NR2F1-AS1: variants seen among roughly 807,000 people sequenced by gnomAD.
NR2F1-AS1 encodes NR2F1 regulatory antisense RNA 1, also known as NR2F1 antisense RNA 1.
intron 4 of NR2F1-AS1, among the ~76,000 whole-genome samples, chr5:93,477,529 T>C (rs776177581): frequency 6.6e-6 from 1 of 152,200 alleles, no homozygotes; most frequent in Non-Finnish European, 1.5e-5. Context: ...ACAACTTATA[T>C]AAATAGGAAA....
At chr5:93,548,275 A>C (rs185125377) in intron 4 of NR2F1-AS1, among the ~76,000 whole-genome samples, 1 of 152,056 alleles carries the variant, frequency 6.6e-6, no homozygotes, top group Non-Finnish European at 1.5e-5. Context: ...AATTCAATCA[A>C]TTTATGTGGT....
upstream of NR2F1-AS1, chr5:93,585,509 T>C (rs1351602393): frequency 6.3e-7 from 1 of 1,583,960 alleles, no homozygotes; most frequent in Non-Finnish European, 8.6e-7. Flanking sequence ...TCTCTGCTTC[T>C]CTCCCCGCGC....
intron 4 of NR2F1-AS1, among the ~76,000 whole-genome samples, chr5:93,413,776 G>A (rs866487914): frequency 6.6e-6 from 1 of 152,158 alleles, no homozygotes; most frequent in South Asian, 2.1e-4. Context: ...AACTACATCA[G>A]AATAGACCAA....
At chr5:93,482,749 G>A (rs112483507) in intron 4 of NR2F1-AS1, among the ~76,000 whole-genome samples, 1 of 152,132 alleles carries the variant, frequency 6.6e-6, no homozygotes, top group African/African-American at 2.4e-5. Context: ...AACCTGGGAC[G>A]CTCTAGCTTG....
At chr5:93,438,409 A>G (rs1453225680) in intron 4 of NR2F1-AS1, among the ~76,000 whole-genome samples, 1 of 151,798 alleles carries the variant, frequency 6.6e-6, no homozygotes, top group Non-Finnish European at 1.5e-5. Context: ...ATCAATCTTG[A>G]CTCCTGCCTC....
intron 4 of NR2F1-AS1, chr5:93,496,055 A>C (rs531272943): frequency 6.6e-6 from 1 of 152,210 alleles, no homozygotes; most frequent in African/African-American, 2.4e-5. Flanking sequence ...AAAATGAATT[A>C]CCTCTCCAAG....
chr5:93,463,493 G>T (rs1750147132), intron 4 of NR2F1-AS1, among the ~76,000 whole-genome samples: 1 of 152,190 alleles, frequency 6.6e-6, no homozygotes, highest in Non-Finnish European at 1.5e-5. Flanking sequence ...TCCCCACTGG[G>T]GCACTGCCTA....
At chr5:93,535,776 ATT>A (rs1375633321) in intron 4 of NR2F1-AS1, among the ~76,000 whole-genome samples, 1 of 152,140 alleles carries the variant, frequency 6.6e-6, no homozygotes, top group Non-Finnish European at 1.5e-5. Flanking sequence ...ATTTGACAAA[ATT>A]CAACTTCTCT....
chr5:93,459,506 T>C (rs915552790), intron 4 of NR2F1-AS1, among the ~76,000 whole-genome samples: 25 of 152,176 alleles, frequency 1.6e-4, no homozygotes, highest in African/African-American at 5.8e-4. Context: ...ATTAATAAAA[T>C]AGTTTGTTTA....
intron 4 of NR2F1-AS1, among the ~76,000 whole-genome samples, chr5:93,445,925 T>C (rs1749694667): frequency 1.3e-5 from 2 of 152,152 alleles, no homozygotes; most frequent in South Asian, 2.1e-4. Context: ...TAATCCATCA[T>C]ATAAACAGAA....
chr5:93,423,566 G>A (rs978482074), intron 4 of NR2F1-AS1, among the ~76,000 whole-genome samples: 1 of 152,108 alleles, frequency 6.6e-6, no homozygotes, highest in Admixed American at 6.5e-5. Flanking sequence ...GCCCAAGTAG[G>A]CACTCTTGTA....
At chr5:93,522,176 A>G (rs1751515102) in intron 4 of NR2F1-AS1, among the ~76,000 whole-genome samples, 1 of 152,108 alleles carries the variant, frequency 6.6e-6, no homozygotes, top group Non-Finnish European at 1.5e-5. Context: ...AACACAAAGA[A>G]GGGAACAATA....
chr5:93,441,459 C>A (rs1451087587), intron 4 of NR2F1-AS1, among the ~76,000 whole-genome samples: 1 of 152,142 alleles, frequency 6.6e-6, no homozygotes, highest in Non-Finnish European at 1.5e-5. Flanking sequence ...TCTGTGATCC[C>A]AACAGTGCAA....
chr5:93,561,984 A>C (rs1364441683), intron 2 of NR2F1-AS1, among the ~76,000 whole-genome samples: 1 of 151,988 alleles, frequency 6.6e-6, no homozygotes, highest in African/African-American at 2.4e-5. Flanking sequence ...AAATTGACAC[A>C]TTTAATTTAA....
intron 4 of NR2F1-AS1, among the ~76,000 whole-genome samples, chr5:93,446,620 A>G (rs181411893): frequency 1.5e-3 from 234 of 152,334 alleles, no homozygotes; most frequent in Non-Finnish European, 2.5e-3. Context: ...GAAAATGGCC[A>G]TACTGCCCAA....
intron 4 of NR2F1-AS1, among the ~76,000 whole-genome samples, chr5:93,442,421 G>A (rs1056372068): frequency 2.0e-5 from 3 of 152,160 alleles, no homozygotes; most frequent in South Asian, 2.1e-4. Flanking sequence ...AGGGTCCCAC[G>A]CCCATGGAGC....
At chr5:93,434,870 T>C (rs1749401331) in intron 4 of NR2F1-AS1, among the ~76,000 whole-genome samples, 2 of 152,220 alleles carry the variant, frequency 1.3e-5, no homozygotes, top group Admixed American at 6.5e-5. Flanking sequence ...AGCAATATTA[T>C]ATAAATGATG....
chr5:93,445,861 T>C (rs983549505), intron 4 of NR2F1-AS1, among the ~76,000 whole-genome samples: 3 of 152,196 alleles, frequency 2.0e-5, no homozygotes, highest in Non-Finnish European at 2.9e-5. Flanking sequence ...CATGATCAAG[T>C]GGGCTTCATC....
chr5:93,417,647 G>A lies in NR2F1-AS1; in HGVS notation n.639-22105C>T, dbSNP rs1199441493. On this transcript the variant is annotated intron_variant and non_coding_transcript_variant, in intron 4 of 5. Transcript: ENST00000660523. ...AAATGATCTAACAGCGAGGCTGCCTGGTTCTTTTCACGGTGTTGTGTAAAT... is the reference window on the plus strand; with the variant it reads ...AAATGATCTAACAGCGAGGCTGCCTAGTTCTTTTCACGGTGTTGTGTAAAT... Among the ~76,000 whole-genome samples the A allele has an allele frequency of 2.0e-5, 3 of 152,334 alleles. No individual in the cohort carries two copies. In the South Asian group the frequency reaches 6.2e-4, roughly 32 times the overall value.
Sources: allele counts gnomAD v4.1 joint callset (sites outside exome capture counted in the v4.1 genomes callset), GRCh38; gene constraint gnomAD v4.1.1; transcripts MANE v1.5; gene names NCBI Gene and HGNC (gene_info 2026-07-23, HGNC 2026-07-21).